The following MRPL39 variants were observed in gnomAD, a reference collection of about 807,000 sequenced individuals.
MRPL39 encodes the protein mitochondrial ribosomal protein L39.
A neutral mutation model predicts 44.5 loss-of-function variants in MRPL39; 35 were observed. That is an observed-to-expected ratio of 0.79 (90% confidence interval 0.60 to 1.04). MRPL39 has a LOEUF of 1.04. Ranked by LOEUF, MRPL39 falls within the 50% of genes least tolerant of loss-of-function variation. The probability of loss-of-function intolerance (pLI) is 0.00; values close to 1 mark genes in which losing one functional copy is unlikely to be tolerated. For missense variants in MRPL39, 433 were observed against 413.5 expected, an observed-to-expected ratio of 1.05 and a Z score of -0.41; for synonymous variants, 139 against 136.1, an observed-to-expected ratio of 1.02 and a Z score of -0.15.
intron 9 of MRPL39, 25 bp downstream of exon 9, chr21:25,588,810 C>T (rs986565056): frequency 5.0e-6 from 8 of 1,593,504 alleles, no homozygotes; most frequent in African/African-American, 1.3e-5. Flanking sequence ...TAGAAGAGTA[C>T]TCAATAGCTG....
intron 8 of MRPL39, among the ~76,000 whole-genome samples, chr21:25,590,255 A>G (rs984886908): frequency 1.3e-5 from 2 of 152,106 alleles, no homozygotes; most frequent in Non-Finnish European, 1.5e-5. Context: ...AAAGAGAATC[A>G]AGGATTACCT....
intron 9 of MRPL39, among the ~76,000 whole-genome samples, chr21:25,586,735 AT>A (rs1454244518): frequency 6.6e-6 from 1 of 152,054 alleles, no homozygotes; most frequent in Non-Finnish European, 1.5e-5. Flanking sequence ...CCTCCAACCC[AT>A]TTTCCAACAG....
At chr21:25,603,695 G>A (rs1305449617) in intron 3 of MRPL39, 101 bp downstream of exon 3, 2 of 1,241,908 alleles carry the variant, frequency 1.6e-6, no homozygotes, top group Admixed American at 2.4e-5. Context: ...TACAACATTT[G>A]AACTTGGCCA....
chr21:25,592,361 A>G (rs1537086), intron 8 of MRPL39, among the ~76,000 whole-genome samples: 1 of 152,106 alleles, frequency 6.6e-6, no homozygotes, highest in Non-Finnish European at 1.5e-5. Flanking sequence ...GGATCTCTCT[A>G]TGTCTTATAA....
At chr21:25,597,008 G>A (rs1045933524) in intron 6 of MRPL39, among the ~76,000 whole-genome samples, 7 of 152,030 alleles carry the variant, frequency 4.6e-5, no homozygotes, top group South Asian at 2.1e-4. Context: ...TTATATAGTC[G>A]CTTAACGTAC....
In MRPL39 at chr21:25,603,886, T is replaced by C. The variant is rs1412561168; in HGVS notation, c.330A>G (p.Gly110=). Residue 110 remains glycine (G), a synonymous_variant, in exon 3 of 10, where the codon GGA becomes GGG. Transcript: ENST00000352957. ...CRKSILALVD[G]QPWDMYKPLT... ...AAGGCTTATACATGTCCCAAGGCTG[T>C]CCATCCACCAGAGCCAGAATGGACT... 6.2e-7 allele frequency: 1 copy of C among 1,612,562 alleles called. No homozygotes were observed. Among genetic ancestry groups the C allele is most frequent in the Non-Finnish European group, 8.5e-7 (1 of 1,179,466 alleles).
intron 5 of MRPL39, among the ~76,000 whole-genome samples, chr21:25,597,870 A>G (rs2829821): frequency 0.076 from 11,633 of 152,214 alleles, 1,097 homozygotes; most frequent in African/African-American, 0.21. Context: ...CTAGAAATGT[A>G]GCATCATCAC....
intron 4 of MRPL39, 79 bp from the exon 5 acceptor site, chr21:25,599,945 T>C (rs2031473456): frequency 9.1e-6 from 10 of 1,093,114 alleles, no homozygotes; most frequent in Middle Eastern, 2.0e-4. Flanking sequence ...ACTGAATATT[T>C]AGACCATAAA....
intron 2 of MRPL39, among the ~76,000 whole-genome samples, chr21:25,605,424 A>C (rs975490347): frequency 6.6e-6 from 1 of 151,906 alleles, no homozygotes; most frequent in African/African-American, 2.4e-5. Context: ...CACATTTACC[A>C]CATGTACATC....
At chr21:25,592,636 G>A (rs1006427519) in intron 8 of MRPL39, among the ~76,000 whole-genome samples, 176 bp downstream of exon 8, 13 of 152,034 alleles carry the variant, frequency 8.6e-5, no homozygotes, top group African/African-American at 3.1e-4. Context: ...TTTTGTAATT[G>A]TATATTTACA....
At chr21:25,591,830 AT>A (rs1280276517) in intron 8 of MRPL39, among the ~76,000 whole-genome samples, 5 of 152,198 alleles carry the variant, frequency 3.3e-5, no homozygotes, top group Admixed American at 6.5e-5. Flanking sequence ...CTGGGTATTT[AT>A]CCCAGAGAAA....
rs1447262540 is a variant in MRPL39 at position 25,588,832 on chromosome 21, TA to T, written c.969+2del. 1.2e-6 allele frequency: 2 copies of T among 1,611,690 alleles called. No individual in the cohort carries two copies. The highest frequency in any genetic ancestry group is 1.7e-6 in the Non-Finnish European group (2 of 1,178,338). ...GTACTCAATAGCTGTCAAAAACACT[TA>T]CCATTTTCCGAGATCTTTCCAATAG... On this transcript the variant is annotated splice_donor_variant, in intron 9 of 9. Coordinates refer to ENST00000352957, the MANE Select transcript of MRPL39 (RefSeq NM_017446.4). LOFTEE classifies it high-confidence loss of function.
rs79840181 is a variant in MRPL39, at chr21:25,590,643, A to G, written c.922-1761T>C. Reference sequence around the variant, plus strand: ...GAGGGATGAAAGAAGATATAAATAAATAAGAAGATACAGTAAGTTCATAGA... The same window carrying G: ...GAGGGATGAAAGAAGATATAAATAAGTAAGAAGATACAGTAAGTTCATAGA... On this transcript the variant is annotated intron_variant, in intron 8 of 9. Coordinates refer to ENST00000352957, the MANE Select transcript of MRPL39 (RefSeq NM_017446.4). Among the ~76,000 whole-genome samples, 275 of 152,296 alleles carry G rather than the reference A, an allele frequency of 1.8e-3. 1 individual carries two copies. The East Asian group carries it at 0.022, about 12-fold the overall frequency.
chr21:25,592,823 CAGGTAAAG>C lies in MRPL39; in HGVS notation c.902_909del (p.Ser301CysfsTer12). The C allele has an allele frequency of 1.9e-6, 3 of 1,607,390 alleles. No individual in the cohort carries two copies. Among genetic ancestry groups the C allele is most frequent in the Non-Finnish European group, 2.6e-6 (3 of 1,176,058 alleles). On this transcript the variant is annotated frameshift_variant, in exon 8 of 10. Transcript: ENST00000352957. LOFTEE classifies it high-confidence loss of function. Reference sequence around the variant, plus strand: ...TAAGCTTTACTTACTCTTAAGTGAACAGGTAAAGACACGCCCTGGAATCTTCGTATGAG... The same window carrying C: ...TAAGCTTTACTTACTCTTAAGTGAACACACGCCCTGGAATCTTCGTATGAG...
chr21:25,604,941 G>A (rs1001849758), intron 2 of MRPL39, among the ~76,000 whole-genome samples: 7 of 152,234 alleles, frequency 4.6e-5, no homozygotes, highest in African/African-American at 7.2e-5. Flanking sequence ...CACTACATGT[G>A]ATGTGTATAA....
intron 4 of MRPL39, among the ~76,000 whole-genome samples, chr21:25,601,045 T>G (rs925588220): frequency 2.3e-4 from 35 of 152,008 alleles, no homozygotes; most frequent in African/African-American, 8.5e-4. Flanking sequence ...GAGGCGGAGC[T>G]TGCAGTGAGC....
chr21:25,602,003 T>G (rs2211765), intron 3 of MRPL39, among the ~76,000 whole-genome samples: 119,336 of 151,964 alleles, frequency 0.79, 47,048 homozygotes, highest in Non-Finnish European at 0.82. Flanking sequence ...ACATGCCTGA[T>G]ATGGTATCAG....
Position 25,593,936 on chromosome 21 carries a change from C to T in MRPL39, c.724G>A (p.Glu242Lys). ...HSKYKVDFIEEKASQNPERIV... is the reference protein window; with the variant it reads ...HSKYKVDFIEKKASQNPERIV... ...CTCTCAGGGTTCTGAGATGCCTTCT[C>T]TTCTATGAAATCTACTTTGTACCTG... The change falls in exon 7 of 10, where the codon GAG (glutamate) becomes AAG (lysine). Residue 242 changes from glutamate (E) to lysine (K), a missense_variant. Glu to Lys is a moderately conservative substitution (Grantham distance 56). Transcript: ENST00000352957. The T allele has an allele frequency of 6.2e-7, 1 of 1,613,682 alleles. No homozygotes were observed. The highest frequency in any genetic ancestry group is 2.2e-5 in the East Asian group (1 of 44,870).
intron 7 of MRPL39, among the ~76,000 whole-genome samples, chr21:25,593,505 C>T (rs912387152): frequency 1.3e-5 from 2 of 152,232 alleles, no homozygotes; most frequent in African/African-American, 4.8e-5. Flanking sequence ...CTTGAGAAAG[C>T]ACATTCTGGC....
Sources: gnomAD v4.1 joint callset for allele counts (sites outside exome capture counted in the v4.1 genomes callset) on GRCh38, gnomAD v4.1.1 for gene constraint, MANE v1.5 for transcripts, NCBI Gene and HGNC (gene_info 2026-07-23, HGNC 2026-07-21) for gene names.